MACROD2: variants seen among roughly 807,000 people sequenced by gnomAD.
MACROD2 encodes the protein ADP-ribose glycohydrolase MACROD2.
A neutral mutation model predicts 70.4 loss-of-function variants in MACROD2; 36 were observed. The observed-to-expected ratio is 0.51, with a 90% CI of 0.39 to 0.68. The LOEUF (loss-of-function observed/expected upper bound fraction) is 0.68. Ranked by LOEUF, MACROD2 falls within the 30% of genes least tolerant of loss-of-function variation. The pLI is 0.00. For missense variants in MACROD2, 496 were observed against 538.4 expected (o/e 0.92, Z 0.78); for synonymous variants, 172 against 178.8 (o/e 0.96, Z 0.30).
chr20:14,489,362 A>G (rs889554653), intron 3 of MACROD2, among the ~76,000 whole-genome samples: 16 of 152,160 alleles, frequency 1.1e-4, no homozygotes, highest in African/African-American at 3.1e-4. Context: ...TTCCTATATA[A>G]AGTGGTTCTA....
chr20:15,090,358 A>G (rs907469742), intron 5 of MACROD2, among the ~76,000 whole-genome samples: 1 of 152,226 alleles, frequency 6.6e-6, no homozygotes, highest in Non-Finnish European at 1.5e-5. Context: ...GATATAATTT[A>G]TCTTTCCCAA....
At chr20:15,358,230 T>C (rs1030348132) in intron 6 of MACROD2, among the ~76,000 whole-genome samples, 6 of 152,202 alleles carry the variant, frequency 3.9e-5, no homozygotes, top group African/African-American at 1.4e-4. Context: ...TACCAGTTGG[T>C]AGGAGAGATA....
At chr20:15,677,702 A>ACCAAC (rs773983249) in intron 8 of MACROD2, among the ~76,000 whole-genome samples, 133 of 129,702 alleles carry the variant, frequency 1.0e-3, no homozygotes, top group East Asian at 4.0e-3. Flanking sequence ...CAACCAACCA[A>ACCAAC]CCAAATACAT....
chr20:14,956,787 T>A (rs2074540659), intron 5 of MACROD2, among the ~76,000 whole-genome samples: 1 of 152,132 alleles, frequency 6.6e-6, no homozygotes, highest in African/African-American at 2.4e-5. Flanking sequence ...CACATTTAAT[T>A]AGGGGGCAGT....
chr20:15,318,890 T>C (rs2077843185), intron 6 of MACROD2, among the ~76,000 whole-genome samples: 1 of 152,142 alleles, frequency 6.6e-6, no homozygotes, highest in Admixed American at 6.6e-5. Context: ...CCTTTCTCTT[T>C]AAAATTAAGA....
At chr20:15,167,146 A>G (rs1601167467) in intron 5 of MACROD2, among the ~76,000 whole-genome samples, 1 of 152,116 alleles carries the variant, frequency 6.6e-6, no homozygotes, top group African/African-American at 2.4e-5. Context: ...AAACACAAAA[A>G]ATACATTGAG....
chr20:15,478,030 C>A (rs1227924896), intron 7 of MACROD2, among the ~76,000 whole-genome samples: 3 of 152,212 alleles, frequency 2.0e-5, no homozygotes, highest in Non-Finnish European at 2.9e-5. Flanking sequence ...GTGCCTCCAG[C>A]AGGAATGCAA....
intron 6 of MACROD2, among the ~76,000 whole-genome samples, chr20:15,307,759 T>C (rs572967235): frequency 3.3e-5 from 5 of 152,176 alleles, no homozygotes; most frequent in Non-Finnish European, 5.9e-5. Flanking sequence ...CTTTTTTTTC[T>C]GGTCTAGGAT....
At chr20:14,193,460 A>T (rs929031119) in intron 3 of MACROD2, among the ~76,000 whole-genome samples, 2 of 152,194 alleles carry the variant, frequency 1.3e-5, no homozygotes, top group African/African-American at 2.4e-5. Context: ...GATAGCTCAA[A>T]AGAAGAGACT....
At chr20:15,754,633 G>GA (rs1396739172) in intron 8 of MACROD2, among the ~76,000 whole-genome samples, 1,543 of 69,450 alleles carry the variant, frequency 0.022, 28 homozygotes, top group African/African-American at 0.072. Flanking sequence ...CTCTAAAAAA[G>GA]AAAAAAAAAA....
Position 14,564,735 on chromosome 20 carries a change from C to T in MACROD2, c.301+71227C>T, listed in dbSNP as rs567021262. On this transcript the variant is annotated intron_variant, in intron 4 of 17. Transcript: ENST00000684519. ...AGAAAAGAAAATTCTTATACACTGT[C>T]GGTGGGAAGGTAAATTGTGCAACCT... Among the ~76,000 whole-genome samples the T allele has an allele frequency of 7.2e-5, 11 of 151,826 alleles. 1 individual carries two copies. The highest frequency in any genetic ancestry group is 3.3e-4 in the Admixed American group (5 of 15,200).
At chr20:15,821,796 C>T (rs993358354) in intron 8 of MACROD2, among the ~76,000 whole-genome samples, 2 of 152,090 alleles carry the variant, frequency 1.3e-5, no homozygotes, top group African/African-American at 4.8e-5. Context: ...AATAGTATGC[C>T]ATTTTTAATA....
At chr20:14,642,771 A>G (rs140168868) in intron 4 of MACROD2, among the ~76,000 whole-genome samples, 687 of 152,268 alleles carry the variant, frequency 4.5e-3, no homozygotes, top group Non-Finnish European at 7.2e-3. Context: ...AGTAACATCA[A>G]AGATCACTGA....
intron 8 of MACROD2, among the ~76,000 whole-genome samples, chr20:15,669,188 C>T (rs978896901): frequency 5.9e-5 from 9 of 152,250 alleles, no homozygotes; most frequent in South Asian, 2.1e-4. Flanking sequence ...ACATTGTACA[C>T]GGGTGCAATG....
chr20:14,217,791 T>C (rs2081636120), intron 3 of MACROD2, among the ~76,000 whole-genome samples: 1 of 152,182 alleles, frequency 6.6e-6, no homozygotes, highest in Non-Finnish European at 1.5e-5. Context: ...CTAGTTTATG[T>C]GTGTAAAGGT....
chr20:14,022,085 G>A (rs556057685), intron 2 of MACROD2, among the ~76,000 whole-genome samples: 1 of 152,268 alleles, frequency 6.6e-6, no homozygotes, highest in South Asian at 2.1e-4. Context: ...TATAGGAAGA[G>A]GATGGAACTG....
At chr20:15,262,586 T>C (rs896588721) in intron 6 of MACROD2, among the ~76,000 whole-genome samples, 2 of 152,100 alleles carry the variant, frequency 1.3e-5, no homozygotes, top group Non-Finnish European at 1.5e-5. Context: ...CTGGATTGCA[T>C]AGTAGTTCTA....
At chr20:15,917,424 C>A (rs2065335904) in intron 10 of MACROD2, among the ~76,000 whole-genome samples, 1 of 152,102 alleles carries the variant, frequency 6.6e-6, no homozygotes, top group African/African-American at 2.4e-5. Context: ...ATAACAATAA[C>A]CTTCTCCAAC....
At chr20:15,829,378 A>G (rs1568584574) in intron 8 of MACROD2, among the ~76,000 whole-genome samples, 1 of 152,200 alleles carries the variant, frequency 6.6e-6, no homozygotes, top group Non-Finnish European at 1.5e-5. Flanking sequence ...TGATGGTTTA[A>G]TTAGCACCTA....
Sources: gnomAD v4.1 joint callset for allele counts (sites outside exome capture counted in the v4.1 genomes callset) on GRCh38, gnomAD v4.1.1 for gene constraint, MANE v1.5 for transcripts, NCBI Gene and HGNC (gene_info 2026-07-23, HGNC 2026-07-21) for gene names.